Variants in UST observed in about 807,000 individuals in gnomAD.
The protein encoded by UST is chondroitin sulfate 2-O-sulfotransferase.
UST carries 21 observed loss-of-function variants against 45.6 expected under a neutral mutation model. The observed-to-expected ratio is 0.46, with a 90% CI of 0.33 to 0.66. The LOEUF is 0.66. UST is among the 30% of genes least tolerant of loss of function. UST has a pLI of 0.02. For missense variants in UST, 463 were observed against 512.4 expected, an observed-to-expected ratio of 0.90 and a Z score of 0.93; for synonymous variants, 215 against 200.6, an observed-to-expected ratio of 1.07 and a Z score of -0.61.
chr6:148,902,934 C>A (rs1035755186), intron 2 of UST, among the ~76,000 whole-genome samples: 4 of 152,120 alleles, frequency 2.6e-5, no homozygotes, highest in African/African-American at 9.7e-5. Flanking sequence ...CTTATTATAA[C>A]ATTCTTTGGT....
chr6:149,065,122 C>G (rs115014509), intron 7 of UST, among the ~76,000 whole-genome samples: 1 of 152,090 alleles, frequency 6.6e-6, no homozygotes, highest in Non-Finnish European at 1.5e-5. Context: ...ATGGTTAATC[C>G]GACAGTATGT....
chr6:149,005,601 T>C, intron 5 of UST: 1 of 985,446 alleles, frequency 1.0e-6, no homozygotes, highest in Non-Finnish European at 1.2e-6. Context: ...GTTAGTCCCT[T>C]CCTTCTTCTC....
rs140921832 is a variant in UST at position 148,796,284 on chromosome 6, A to C, written c.247+48607A>C. ...TATAAGTTGAAGTTTTATATACAGA[A>C]ATTTTCTTGATAACAGAAACATTTC... On this transcript the variant is annotated intron_variant, in intron 1 of 7. Transcript: ENST00000367463. Among the ~76,000 whole-genome samples the C allele has an allele frequency of 1.1e-4, 17 of 152,340 alleles. No individual in the cohort carries two copies. The East Asian group carries it at 3.3e-3, about 29-fold the overall frequency.
At chr6:148,864,042 G>T (rs954702468) in intron 1 of UST, among the ~76,000 whole-genome samples, 9 of 152,338 alleles carry the variant, frequency 5.9e-5, no homozygotes, top group Admixed American at 5.2e-4. Context: ...GTCAGACAGG[G>T]ACGTTTAAGT....
At chr6:148,954,220 A>C (rs1780433227) in intron 4 of UST, among the ~76,000 whole-genome samples, 1 of 152,224 alleles carries the variant, frequency 6.6e-6, no homozygotes, top group Non-Finnish European at 1.5e-5. Context: ...AAGGAATCAG[A>C]TTTTGTATTG....
chr6:149,050,907 C>T (rs945404300), intron 7 of UST, among the ~76,000 whole-genome samples: 1 of 152,158 alleles, frequency 6.6e-6, no homozygotes, highest in African/African-American at 2.4e-5. Context: ...CTAATTCTTT[C>T]CTTTGTTGAA....
chr6:149,037,114 G>A (rs1044166645), intron 7 of UST, among the ~76,000 whole-genome samples: 1 of 152,140 alleles, frequency 6.6e-6, no homozygotes, highest in Non-Finnish European at 1.5e-5. Flanking sequence ...GAAGGCCTCG[G>A]GGGGTGAGCA....
rs1432697048 is a variant in UST, at chr6:149,049,181, AATC to A, written c.938-24649_938-24647del. Among the ~76,000 whole-genome samples, 8 of 152,226 alleles carry A rather than the reference AATC, an allele frequency of 5.3e-5. No homozygotes were observed. The South Asian group carries it at 1.7e-3, about 32-fold the overall frequency. On this transcript the variant is annotated intron_variant, in intron 7 of 7. Coordinates refer to ENST00000367463, the MANE Select transcript of UST (RefSeq NM_005715.3). ...GACCCATTTCAATGCTAGAAAAAAA[AATC>A]ATACAGGTACATAAAAACTATTATA...
chr6:149,055,128 TGAG>T (rs1776543973), intron 7 of UST, among the ~76,000 whole-genome samples: 1 of 152,046 alleles, frequency 6.6e-6, no homozygotes, highest in African/African-American at 2.4e-5. Context: ...AGAAGCCATT[TGAG>T]AGTAAAGGTT....
chr6:149,005,315 A>T (rs573129393), intron 5 of UST: 1 of 985,374 alleles, frequency 1.0e-6, no homozygotes, highest in East Asian at 1.1e-4. Flanking sequence ...TCAGCCATAG[A>T]ATTGGAGAGG....
In UST at chr6:149,075,737, G is replaced by A. The variant is rs1220318981; in HGVS notation, c.*1621G>A. 1 of 152,190 alleles carries A rather than the reference G, an allele frequency of 6.6e-6. No individual in the cohort carries two copies. Among genetic ancestry groups the A allele is most frequent in the African/African-American group, 2.4e-5 (1 of 41,432 alleles). 9.4% of individuals were successfully genotyped at this position (152,190 alleles called of 1,614,324 possible). On this transcript the variant is annotated 3_prime_UTR_variant, in exon 8 of 8. Coordinates refer to ENST00000367463, the MANE Select transcript of UST (RefSeq NM_005715.3). Reference sequence around the variant, plus strand: ...AGCCGAGGTTCAGTGGTGGCAGCAGGAAGGACACTGCCACAAATTTTGTCT... The same window carrying A: ...AGCCGAGGTTCAGTGGTGGCAGCAGAAAGGACACTGCCACAAATTTTGTCT...
At chr6:148,839,619 T>C (rs1190146035) in intron 1 of UST, among the ~76,000 whole-genome samples, 1 of 152,164 alleles carries the variant, frequency 6.6e-6, no homozygotes, top group East Asian at 1.9e-4. Context: ...AATCACACTG[T>C]GAGGCAGAGT....
intron 5 of UST, among the ~76,000 whole-genome samples, chr6:148,995,823 C>A (rs987879357): frequency 6.6e-6 from 1 of 152,234 alleles, no homozygotes; most frequent in Non-Finnish European, 1.5e-5. Flanking sequence ...GCATCTGCCC[C>A]CTGGAGACAG....
At chr6:148,991,921 T>C (rs970282332) in intron 5 of UST, among the ~76,000 whole-genome samples, 2 of 152,194 alleles carry the variant, frequency 1.3e-5, no homozygotes, top group Admixed American at 6.5e-5. Flanking sequence ...CACACAATAT[T>C]AAAAATATGA....
chr6:148,776,957 C>T (rs901326864), intron 1 of UST, among the ~76,000 whole-genome samples: 6 of 152,302 alleles, frequency 3.9e-5, no homozygotes, highest in African/African-American at 1.4e-4. Context: ...GGCCTTGTCC[C>T]TGCTCTCAAG....
At chr6:148,804,564 C>T (rs1777112499) in intron 1 of UST, among the ~76,000 whole-genome samples, 1 of 152,176 alleles carries the variant, frequency 6.6e-6, no homozygotes, top group Non-Finnish European at 1.5e-5. Context: ...CTTACATTTC[C>T]TCCCTAAACA....
At chr6:148,831,727 T>G (rs1024608170) in intron 1 of UST, among the ~76,000 whole-genome samples, 15 of 152,124 alleles carry the variant, frequency 9.9e-5, no homozygotes, top group Admixed American at 6.5e-5. Context: ...CCAAGGAGTT[T>G]AAGGCTGCAG....
intron 7 of UST, among the ~76,000 whole-genome samples, chr6:149,045,570 A>G (rs1776384352): frequency 6.6e-6 from 1 of 152,212 alleles, no homozygotes; most frequent in South Asian, 2.1e-4. Context: ...CTCTAGGCAC[A>G]GGCTTAGTAA....
At chr6:149,030,532 C>G (rs969449191) in intron 7 of UST, among the ~76,000 whole-genome samples, 1 of 152,008 alleles carries the variant, frequency 6.6e-6, no homozygotes, top group Non-Finnish European at 1.5e-5. Context: ...ACGTATCTGT[C>G]TGTTCACTAA....
Sources: gnomAD v4.1 joint callset for allele counts (sites outside exome capture counted in the v4.1 genomes callset) on GRCh38, gnomAD v4.1.1 for gene constraint, MANE v1.5 for transcripts, NCBI Gene and HGNC (gene_info 2026-07-23, HGNC 2026-07-21) for gene names.